Variants in EPHA6 observed in about 807,000 individuals in gnomAD.
EPHA6 encodes the protein EPH receptor A6.
EPHA6 carries 50 observed loss-of-function variants against 112.0 expected under a neutral mutation model. The observed-to-expected ratio is 0.45, with a 90% CI of 0.36 to 0.56. The LOEUF (loss-of-function observed/expected upper bound fraction) is 0.56. EPHA6 is among the 20% of genes least tolerant of loss of function. The probability of loss-of-function intolerance (pLI) is 0.00; values close to 1 mark genes in which losing one functional copy is unlikely to be tolerated. For missense variants in EPHA6, 1,280 were observed against 1,417.4 expected (o/e 0.90, Z 1.56); for synonymous variants, 529 against 490.7 (o/e 1.08, Z -1.03).
rs2037562210 is a variant in EPHA6, at chr3:96,885,307, ATTC to A, written c.450+18424_450+18426del. Among the ~76,000 whole-genome samples, 9 of 152,236 alleles carry A rather than the reference ATTC, an allele frequency of 5.9e-5. No individual in the cohort carries two copies. The South Asian group carries it at 1.2e-3, about 21-fold the overall frequency. ...GATAGTGTCGAAAGGATTGGTACCA[ATTC>A]TTCTTTGAATGTCTGGTGGAATTCT... On this transcript the variant is annotated intron_variant, in intron 2 of 17. Transcript: ENST00000389672.
At chr3:97,702,956 G>A (rs191528853) in intron 14 of EPHA6, among the ~76,000 whole-genome samples, 10 of 152,138 alleles carry the variant, frequency 6.6e-5, no homozygotes, top group South Asian at 2.1e-4. Flanking sequence ...AGAAGTCTCC[G>A]TTTCCTTAAA....
intron 3 of EPHA6, among the ~76,000 whole-genome samples, chr3:97,157,534 CACAG>C (rs1324760857): frequency 1.3e-5 from 2 of 152,050 alleles, no homozygotes; most frequent in African/African-American, 4.8e-5. Flanking sequence ...GAGACAGAGA[CACAG>C]ACAGAGAGTG....
chr3:97,419,348 G>T lies in EPHA6; in HGVS notation c.1731+14074G>T, dbSNP rs570264112. ...AAACAAACAAAACAGAAGGGGTCAG[G>T]CACGGTGGCTTACGTCTGTAATCCC... On this transcript the variant is annotated intron_variant, in intron 6 of 17. Coordinates refer to ENST00000389672, the MANE Select transcript of EPHA6 (RefSeq NM_001080448.3). Among the ~76,000 whole-genome samples, 5 of 152,130 alleles carry T rather than the reference G, an allele frequency of 3.3e-5. No individual in the cohort carries two copies. In the East Asian group the frequency reaches 5.8e-4, roughly 18 times the overall value.
chr3:97,262,002 T>G (rs2079519242), intron 5 of EPHA6, among the ~76,000 whole-genome samples: 1 of 152,224 alleles, frequency 6.6e-6, no homozygotes, highest in Non-Finnish European at 1.5e-5. Flanking sequence ...TTCTTAGTTA[T>G]AAAACCCTAG....
chr3:97,278,341 C>G (rs1385433148), intron 5 of EPHA6, among the ~76,000 whole-genome samples: 2 of 152,086 alleles, frequency 1.3e-5, no homozygotes, highest in African/African-American at 4.8e-5. Context: ...AAGATGTTTC[C>G]CAAATGCTGA....
intron 2 of EPHA6, among the ~76,000 whole-genome samples, chr3:96,906,826 GGA>G (rs1467136985): frequency 6.6e-6 from 1 of 151,904 alleles, no homozygotes; most frequent in Non-Finnish European, 1.5e-5. Context: ...TAGAGGTATA[GGA>G]GAAACCAGAC....
intron 2 of EPHA6, among the ~76,000 whole-genome samples, chr3:96,918,285 A>G (rs1217231308): frequency 6.6e-6 from 1 of 152,180 alleles, no homozygotes; most frequent in Admixed American, 6.6e-5. Context: ...CCAAATGGAT[A>G]AAATTATATT....
chr3:97,431,235 T>C (rs2089485129), intron 6 of EPHA6, among the ~76,000 whole-genome samples: 1 of 152,144 alleles, frequency 6.6e-6, no homozygotes, highest in Non-Finnish European at 1.5e-5. Context: ...AATTAGAAAC[T>C]GATGGCTTAA....
At chr3:97,470,458 CA>C (rs1345192652) in intron 7 of EPHA6, among the ~76,000 whole-genome samples, 2 of 151,390 alleles carry the variant, frequency 1.3e-5, no homozygotes, top group Non-Finnish European at 3.0e-5. Context: ...AAATCTATTC[CA>C]CAGAAAATGA....
At chr3:97,264,961 G>A (rs1455157787) in intron 5 of EPHA6, among the ~76,000 whole-genome samples, 1 of 152,192 alleles carries the variant, frequency 6.6e-6, no homozygotes, top group Non-Finnish European at 1.5e-5. Flanking sequence ...TCTCTGCTAG[G>A]CATGTTGTCC....
intron 3 of EPHA6, among the ~76,000 whole-genome samples, chr3:97,068,925 A>C (rs572482297): frequency 6.6e-6 from 1 of 152,246 alleles, no homozygotes; most frequent in African/African-American, 2.4e-5. Context: ...GTGAGAAATA[A>C]ATTTCTGTTG....
intron 2 of EPHA6, among the ~76,000 whole-genome samples, chr3:96,946,289 C>T (rs575710531): frequency 6.6e-6 from 1 of 152,106 alleles, no homozygotes; most frequent in Non-Finnish European, 1.5e-5. Context: ...TCGTCATTTA[C>T]ATTAGGCATA....
chr3:97,675,285 C>A (rs2031257300), intron 14 of EPHA6, among the ~76,000 whole-genome samples: 2 of 151,950 alleles, frequency 1.3e-5, no homozygotes, highest in African/African-American at 2.4e-5. Context: ...TCAAAACCAA[C>A]CTGGCCACCA....
At chr3:96,985,478 G>T (rs536995861) in intron 2 of EPHA6, among the ~76,000 whole-genome samples, 1 of 152,098 alleles carries the variant, frequency 6.6e-6, no homozygotes, top group Non-Finnish European at 1.5e-5. Context: ...CCAATGAGCT[G>T]TGATAGTGCT....
chr3:96,837,434 A>T (rs2034482454), intron 1 of EPHA6, among the ~76,000 whole-genome samples: 1 of 152,096 alleles, frequency 6.6e-6, no homozygotes, highest in African/African-American at 2.4e-5. Flanking sequence ...TCAGCAGTAA[A>T]GGGCATTTTT....
At chr3:97,379,258 A>G (rs1453913455) in intron 5 of EPHA6, among the ~76,000 whole-genome samples, 1 of 152,202 alleles carries the variant, frequency 6.6e-6, no homozygotes, top group Non-Finnish European at 1.5e-5. Context: ...TGGAACTGAA[A>G]GTCCAAGTAA....
intron 5 of EPHA6, among the ~76,000 whole-genome samples, chr3:97,376,729 G>T (rs2085384531): frequency 6.6e-6 from 1 of 152,150 alleles, no homozygotes; most frequent in Admixed American, 6.5e-5. Context: ...CATTCATTGA[G>T]GGATTTATAC....
chr3:97,039,398 A>G (rs2045232869), intron 3 of EPHA6, among the ~76,000 whole-genome samples: 1 of 152,108 alleles, frequency 6.6e-6, no homozygotes, highest in African/African-American at 2.4e-5. Context: ...AATTCAGATG[A>G]CTTTAAAATA....
chr3:97,540,980 C>T (rs1179064383), intron 11 of EPHA6, among the ~76,000 whole-genome samples: 1 of 152,114 alleles, frequency 6.6e-6, no homozygotes, highest in African/African-American at 2.4e-5. Flanking sequence ...TAAGAACCAA[C>T]CTGCCAGGCT....
Sources: gnomAD v4.1 joint callset for allele counts (sites outside exome capture counted in the v4.1 genomes callset) on GRCh38, gnomAD v4.1.1 for gene constraint, MANE v1.5 for transcripts, NCBI Gene and HGNC (gene_info 2026-07-23, HGNC 2026-07-21) for gene names.